Variants in SPATA17 observed in about 807,000 individuals in gnomAD.
SPATA17 encodes spermatogenesis-associated protein 17.
Under a neutral mutation model 62.2 loss-of-function variants are expected in SPATA17, and 53 were observed. The observed-to-expected ratio is 0.85, with a 90% CI of 0.68 to 1.07. The LOEUF (loss-of-function observed/expected upper bound fraction) is 1.07. Among genes scored for constraint, SPATA17 ranks in the 50% least tolerant of loss-of-function variants. The pLI, the probability that SPATA17 is intolerant of heterozygous loss-of-function variation, is 0.00. For synonymous variants in SPATA17, 146 were observed against 146.8 expected (o/e 0.99, Z 0.04); for missense variants, 466 against 425.5 (o/e 1.10, Z -0.84).
intron 9 of SPATA17, among the ~76,000 whole-genome samples, chr1:217,857,870 C>A (rs1455463448): frequency 6.6e-6 from 1 of 152,134 alleles, no homozygotes; most frequent in Admixed American, 6.6e-5. Flanking sequence ...AGCGGTCAGT[C>A]CTTGTTTATC....
intron 5 of SPATA17, among the ~76,000 whole-genome samples, chr1:217,711,873 C>G (rs143245495): frequency 2.0e-5 from 3 of 152,104 alleles, no homozygotes; most frequent in African/African-American, 7.2e-5. Flanking sequence ...CAGGAAGGAG[C>G]CTGTTGCCTT....
chr1:217,804,413 T>A (rs951427822), intron 9 of SPATA17, among the ~76,000 whole-genome samples: 6 of 152,126 alleles, frequency 3.9e-5, no homozygotes, highest in African/African-American at 7.2e-5. Context: ...TAAAACTAGA[T>A]TAAGACCTGA....
At chr1:217,764,621 G>T (rs960357161) in intron 6 of SPATA17, among the ~76,000 whole-genome samples, 1 of 152,226 alleles carries the variant, frequency 6.6e-6, no homozygotes, top group East Asian at 1.9e-4. Flanking sequence ...ATAAGAGTAC[G>T]TTTAGTTTTG....
intron 9 of SPATA17, among the ~76,000 whole-genome samples, chr1:217,848,048 C>T (rs1478925525): frequency 1.3e-5 from 2 of 151,912 alleles, no homozygotes; most frequent in African/African-American, 4.8e-5. Context: ...AAAAAAAGGA[C>T]ATAAATTACC....
chr1:217,701,683 G>A (rs1014366994), intron 5 of SPATA17, among the ~76,000 whole-genome samples: 19 of 152,050 alleles, frequency 1.2e-4, no homozygotes, highest in Non-Finnish European at 2.4e-4. Flanking sequence ...CATCACACCT[G>A]GCCTATACTA....
chr1:217,774,765 C>A (rs1478026071), intron 7 of SPATA17, among the ~76,000 whole-genome samples: 1 of 152,182 alleles, frequency 6.6e-6, no homozygotes, highest in Non-Finnish European at 1.5e-5. Flanking sequence ...CATCCCCTGA[C>A]ATGACTTGTT....
chr1:217,654,909 T>C (rs557994685), intron 3 of SPATA17, among the ~76,000 whole-genome samples: 12 of 151,982 alleles, frequency 7.9e-5, no homozygotes, highest in Non-Finnish European at 1.6e-4. Flanking sequence ...GATGGGGTTT[T>C]GCCGTGTTAG....
At chr1:217,658,879 A>G (rs1670502742) in intron 3 of SPATA17, among the ~76,000 whole-genome samples, 1 of 152,222 alleles carries the variant, frequency 6.6e-6, no homozygotes, top group Admixed American at 6.5e-5. Flanking sequence ...TGGAAGCTAG[A>G]CAAATGCAAC....
intron 7 of SPATA17, among the ~76,000 whole-genome samples, chr1:217,775,047 T>A (rs1489017080): frequency 6.6e-6 from 1 of 152,180 alleles, no homozygotes; most frequent in Non-Finnish European, 1.5e-5. Flanking sequence ...GTAATTATAT[T>A]TTTAATTATT....
intron 5 of SPATA17, among the ~76,000 whole-genome samples, chr1:217,727,918 A>T (rs1672306175): frequency 6.6e-6 from 1 of 152,170 alleles, no homozygotes. Flanking sequence ...TTTAAATGTT[A>T]ATACATGTAG....
At position 217,745,095 on chromosome 1, in the gene SPATA17, A is replaced by G. The variant is rs145153562; in HGVS notation, c.519+2997A>G. 3.6e-4 allele frequency among the ~76,000 whole-genome samples: 55 copies of G among 152,294 alleles called. No individual in the cohort carries two copies. In the East Asian group the frequency reaches 8.9e-3, roughly 25 times the overall value. On this transcript the variant is annotated intron_variant, in intron 6 of 10. Transcript: ENST00000366933. Reference sequence around the variant, plus strand: ...AATAAAAAATTAGTTAGAAATTTCTATACTGGTGTCCCCCACCTCCATTTG... The same window carrying G: ...AATAAAAAATTAGTTAGAAATTTCTGTACTGGTGTCCCCCACCTCCATTTG...
intron 9 of SPATA17, among the ~76,000 whole-genome samples, chr1:217,859,552 T>C (rs904790628): frequency 2.6e-5 from 4 of 151,858 alleles, no homozygotes; most frequent in African/African-American, 9.7e-5. Flanking sequence ...GGACTACAGG[T>C]GTACACCACA....
At chr1:217,635,409 T>G (rs369603617) in intron 1 of SPATA17, among the ~76,000 whole-genome samples, 1 of 152,074 alleles carries the variant, frequency 6.6e-6, no homozygotes, top group African/African-American at 2.4e-5. Flanking sequence ...TTAGGTAGAT[T>G]TAAAAATTTT....
intron 5 of SPATA17, among the ~76,000 whole-genome samples, chr1:217,711,919 C>T (rs1211161971): frequency 6.6e-6 from 1 of 152,156 alleles, no homozygotes; most frequent in Non-Finnish European, 1.5e-5. Flanking sequence ...CTACCATTCT[C>T]AGTTACTGGC....
chr1:217,737,589 C>T (rs562450016), intron 5 of SPATA17, among the ~76,000 whole-genome samples: 3 of 152,182 alleles, frequency 2.0e-5, no homozygotes, highest in South Asian at 2.1e-4. Flanking sequence ...CTGTCAATCC[C>T]GTCATTGATT....
chr1:217,676,304 G>A (rs1474994437), intron 4 of SPATA17, among the ~76,000 whole-genome samples: 1 of 152,122 alleles, frequency 6.6e-6, no homozygotes, highest in African/African-American at 2.4e-5. Context: ...TGTAACAAAT[G>A]ATAACAAAGA....
chr1:217,643,494 G>A (rs1056975163), intron 1 of SPATA17, among the ~76,000 whole-genome samples: 1 of 152,004 alleles, frequency 6.6e-6, no homozygotes, highest in African/African-American at 2.4e-5. Flanking sequence ...CTCAGACTAT[G>A]ACATCTTACC....
At chr1:217,642,425 G>A (rs1264483498) in intron 1 of SPATA17, among the ~76,000 whole-genome samples, 1 of 152,164 alleles carries the variant, frequency 6.6e-6, no homozygotes, top group East Asian at 1.9e-4. Flanking sequence ...GCTAGTGAGA[G>A]CCACTTCAGT....
chr1:217,634,263 G>A (rs1003449750), intron 1 of SPATA17, among the ~76,000 whole-genome samples: 2 of 152,176 alleles, frequency 1.3e-5, no homozygotes, highest in Non-Finnish European at 2.9e-5. Context: ...CGGTTGTGTG[G>A]GAGACCAGAG....
Sources: gnomAD v4.1 joint callset for allele counts (sites outside exome capture counted in the v4.1 genomes callset) on GRCh38, gnomAD v4.1.1 for gene constraint, MANE v1.5 for transcripts, NCBI Gene and HGNC (gene_info 2026-07-23, HGNC 2026-07-21) for gene names.